PCDH11X: variants seen among roughly 807,000 people sequenced by gnomAD.
PCDH11X encodes protocadherin 11 X-linked.
In PCDH11X, 18 loss-of-function variants were observed where a neutral mutation model predicts 53.3. That is an observed-to-expected ratio of 0.34 (90% CI 0.23 to 0.50). The LOEUF is 0.50. Among genes scored for constraint, PCDH11X ranks in the 20% least tolerant of loss-of-function variants. The pLI is 0.98. For missense variants in PCDH11X, 570 were observed against 1,032.4 expected (o/e 0.55, Z 6.14); for synonymous variants, 279 against 393.3 (o/e 0.71, Z 3.44).
At chrX:91,881,645 G>A (rs1356080979) in intron 6 of PCDH11X, among the ~76,000 whole-genome samples, 1 of 110,950 alleles carries the variant, frequency 9.0e-6, no homozygotes, top group Non-Finnish European at 1.9e-5. Context: ...TTAATGTTAG[G>A]GTGTTCAATG....
At chrX:92,378,113 G>A (rs1345722780) in intron 8 of PCDH11X, among the ~76,000 whole-genome samples, 2 of 100,534 alleles carry the variant, frequency 2.0e-5, no homozygotes, top group Non-Finnish European at 4.1e-5. Flanking sequence ...CAGAAATGTT[G>A]CCCATAATGA....
At chrX:92,210,152 T>C (rs1450736813) in intron 7 of PCDH11X, among the ~76,000 whole-genome samples, 2 of 110,526 alleles carry the variant, frequency 1.8e-5, no homozygotes, top group African/African-American at 3.3e-5. Context: ...TTCTCCTTTA[T>C]ATTGGCTGTC....
chrX:91,926,016 A>G (rs1941930709), intron 6 of PCDH11X, among the ~76,000 whole-genome samples: 1 of 106,671 alleles, frequency 9.4e-6, no homozygotes, highest in South Asian at 4.3e-4. Flanking sequence ...CTGTATAATC[A>G]GGGTTATATA....
chrX:92,133,663 G>A (rs2065033743), intron 6 of PCDH11X, among the ~76,000 whole-genome samples: 2 of 112,483 alleles, frequency 1.8e-5, no homozygotes, highest in South Asian at 7.3e-4. Flanking sequence ...ACCGCTCCCT[G>A]CCAAATGTTT....
intron 5 of PCDH11X, among the ~76,000 whole-genome samples, chrX:91,869,223 A>G (rs902790022): frequency 9.1e-6 from 1 of 110,321 alleles, no homozygotes; most frequent in African/African-American, 3.3e-5. Flanking sequence ...GGATCAGAAA[A>G]CACAATAGTT....
chrX:91,816,257 G>A (rs2147570724), intron 4 of PCDH11X, among the ~76,000 whole-genome samples: 1 of 111,412 alleles, frequency 9.0e-6, no homozygotes, highest in Admixed American at 9.6e-5. Context: ...TCCATACATT[G>A]CCCCAATTTG....
At chrX:92,209,102 T>C (rs1322724595) in intron 7 of PCDH11X, among the ~76,000 whole-genome samples, 1 of 111,031 alleles carries the variant, frequency 9.0e-6, no homozygotes, top group African/African-American at 3.3e-5. Flanking sequence ...AACATGAGAT[T>C]TGGGTGAGCA....
chrX:92,420,211 T>C (rs1439250957), intron 9 of PCDH11X, among the ~76,000 whole-genome samples: 2 of 112,071 alleles, frequency 1.8e-5, no homozygotes, highest in African/African-American at 6.5e-5. Flanking sequence ...CTTTTTGTTA[T>C]AGTTGTCATA....
intron 4 of PCDH11X, among the ~76,000 whole-genome samples, chrX:91,828,193 C>A (rs1230447040): frequency 1.2e-4 from 12 of 103,318 alleles, no homozygotes; most frequent in Non-Finnish European, 2.3e-4. Context: ...GATCTCAGCT[C>A]ACTGCAAGCT....
intron 7 of PCDH11X, among the ~76,000 whole-genome samples, chrX:92,248,377 A>C (rs760071153): frequency 1.8e-5 from 2 of 111,914 alleles, no homozygotes; most frequent in South Asian, 7.4e-4. Context: ...TAAAATTACT[A>C]TAATAGCATT....
In PCDH11X at chrX:91,792,144, C is replaced by T. The variant is rs1245484794; in HGVS notation, c.-379+12460C>T. ...GATTACAGGCGTGAGCCACCGCGCCCGGCCTCATGTTTTAAGACAATGAGA... is the reference window on the plus strand; with the variant it reads ...GATTACAGGCGTGAGCCACCGCGCCTGGCCTCATGTTTTAAGACAATGAGA... On this transcript the variant is annotated intron_variant, in intron 1 of 10. Transcript: ENST00000682573. 1.6e-4 allele frequency among the ~76,000 whole-genome samples: 17 copies of T among 109,489 alleles called. No homozygotes were observed. The East Asian group carries it at 4.0e-3, about 26-fold the overall frequency.
chrX:92,274,477 C>A (rs1285464166), intron 8 of PCDH11X, among the ~76,000 whole-genome samples: 1 of 110,682 alleles, frequency 9.0e-6, no homozygotes, highest in Middle Eastern at 4.7e-3. Flanking sequence ...ACTGCGGTGG[C>A]CTTCTCAGAC....
chrX:92,533,856 C>A (rs1047392070), intron 10 of PCDH11X, among the ~76,000 whole-genome samples: 5 of 107,881 alleles, frequency 4.6e-5, no homozygotes, highest in Non-Finnish European at 3.8e-5. Flanking sequence ...ATAGCATCAA[C>A]ACCAACGAAA....
chrX:92,009,196 G>A (rs1295553295), intron 6 of PCDH11X, among the ~76,000 whole-genome samples: 1 of 111,746 alleles, frequency 8.9e-6, no homozygotes, highest in African/African-American at 3.3e-5. Context: ...CCTTTCAAAA[G>A]ATGTATTCTA....
At chrX:92,435,681 G>T in intron 9 of PCDH11X, among the ~76,000 whole-genome samples, 1 of 111,095 alleles carries the variant, frequency 9.0e-6, no homozygotes, top group Non-Finnish European at 1.9e-5. Context: ...TTCATATGCA[G>T]CCAAACTAAG....
chrX:92,550,871 A>G (rs1013971029), intron 10 of PCDH11X, among the ~76,000 whole-genome samples: 1 of 108,143 alleles, frequency 9.2e-6, no homozygotes, highest in Non-Finnish European at 1.9e-5. Flanking sequence ...ATTTCACTTA[A>G]CATAATGATC....
chrX:92,265,662 T>C lies in PCDH11X; in HGVS notation c.3144+2519T>C, dbSNP rs56929056. On this transcript the variant is annotated intron_variant, in intron 8 of 10. Coordinates refer to ENST00000682573, the MANE Select transcript of PCDH11X (RefSeq NM_032968.5). ...ATATATACACAGTTAATCTTCACAA[T>C]AATCCTGTAGGCTATTTTACAGATG... is the stretch of plus-strand genomic sequence containing the variant. 0.023 allele frequency among the ~76,000 whole-genome samples: 2,534 copies of C among 110,885 alleles called. 97 individuals carry two copies. In the East Asian group the frequency reaches 0.23, roughly 10 times the overall value.
intron 7 of PCDH11X, among the ~76,000 whole-genome samples, chrX:92,246,983 A>G (rs909723476): frequency 1.8e-5 from 2 of 111,788 alleles, no homozygotes; most frequent in African/African-American, 6.5e-5. Context: ...TTGAGATTCA[A>G]GGACTTGCTC....
At chrX:92,330,228 A>G (rs1370841545) in intron 8 of PCDH11X, among the ~76,000 whole-genome samples, 1 of 111,366 alleles carries the variant, frequency 9.0e-6, no homozygotes, top group Non-Finnish European at 1.9e-5. Context: ...TCCAGAAAAT[A>G]TAAAGTACTC....
Sources: gnomAD v4.1 joint callset for allele counts (sites outside exome capture counted in the v4.1 genomes callset) on GRCh38, gnomAD v4.1.1 for gene constraint, MANE v1.5 for transcripts, NCBI Gene and HGNC (gene_info 2026-07-23, HGNC 2026-07-21) for gene names.